TESK1: variants seen among roughly 807,000 people sequenced by gnomAD.
TESK1 encodes the protein testis associated actin remodelling kinase 1, also known as dual specificity testis-specific protein kinase 1.
A neutral mutation model predicts 59.9 loss-of-function variants in TESK1; 18 were observed. The ratio of observed to expected loss-of-function variants is 0.30; its 90% CI spans 0.21 to 0.45. The LOEUF is 0.45. Among genes scored for constraint, TESK1 ranks in the 20% least tolerant of loss-of-function variants. The probability of loss-of-function intolerance (pLI) is 1.00; values close to 1 mark genes in which losing one functional copy is unlikely to be tolerated. For synonymous variants in TESK1, 341 were observed against 357.4 expected, an observed-to-expected ratio of 0.95 and a Z score of 0.52; for missense variants, 748 against 840.9, an observed-to-expected ratio of 0.89 and a Z score of 1.37.
chr9:35,605,843 G>A lies in TESK1; in HGVS notation c.219+5G>A, dbSNP rs761052834. On this transcript the variant is annotated splice_donor_5th_base_variant and intron_variant, in intron 1 of 9. Coordinates refer to ENST00000336395, the MANE Select transcript of TESK1 (RefSeq NM_006285.3). Reference sequence around the variant, plus strand: ...TTCTTCTCTGAGGTCTACAAGGTAGGACCGGCCGAGAGGGCAGAGGGGCGG... The same window carrying A: ...TTCTTCTCTGAGGTCTACAAGGTAGAACCGGCCGAGAGGGCAGAGGGGCGG... The A allele has an allele frequency of 1.5e-5, 24 of 1,610,174 alleles. No individual in the cohort carries two copies. The East Asian group carries it at 4.9e-4, about 33-fold the overall frequency.
In TESK1 at chr9:35,607,652, G is replaced by A; in HGVS notation, c.691G>A (p.Gly231Ser). ...PYWMAPEVLR[G>S]ELYDEKADVF... ...CTGGATGGCTCCAGAGGTGTTACGG[G>A]GTGAGCTGTATGATGAGAAGGTGAG... The change falls in exon 6 of 10, where the codon GGT (glycine) becomes AGT (serine). Residue 231 changes from glycine to serine, a missense_variant. Physicochemically the swap from Gly to Ser is moderately conservative, Grantham distance 56 (BLOSUM62 0). This residue lies in a region of TESK1 where 168 missense variants were observed against 257.4 expected (regional missense o/e 0.65). Transcript: ENST00000336395. This position sits in a 1 kb window ranked among gnomAD's most constrained non-coding sequence, Gnocchi z 4.5. The A allele has an allele frequency of 6.2e-7, 1 of 1,613,904 alleles. No homozygotes were observed.
rs1026572313 is a variant in TESK1 at position 35,609,655 on chromosome 9, C to G, written c.1794C>G (p.Asn598Lys). 6.2e-7 allele frequency: 1 copy of G among 1,606,460 alleles called. No homozygotes were observed. The highest frequency in any genetic ancestry group is 8.5e-7 in the Non-Finnish European group (1 of 1,179,954). Residue 598 changes from asparagine (N) to lysine (K), a missense_variant, in exon 10 of 10, where the codon AAC becomes AAG. By Grantham distance (94) the Asn-to-Lys change is moderately conservative (BLOSUM62 0). Coordinates refer to ENST00000336395, the MANE Select transcript of TESK1 (RefSeq NM_006285.3). The surrounding 1 kb of genome is among the most constrained non-coding windows in gnomAD (Gnocchi z 6.7). ...CTGTTGCCCGCTACCGCAACCTGAA[C>G]TGTGAGGCGGGCAGTCTCCTCTGCC... ...TPAVARYRNL[N>K]CEAGSLLCHR...
Position 35,607,325 on chromosome 9 carries a change from A to G in TESK1, c.538-2A>G. On this transcript the variant is annotated splice_acceptor_variant, in intron 4 of 9. Coordinates refer to ENST00000336395, the MANE Select transcript of TESK1 (RefSeq NM_006285.3). LOFTEE classifies it high-confidence loss of function. This position sits in a 1 kb window ranked among gnomAD's most constrained non-coding sequence, Gnocchi z 4.5. ...TGGGGATACTATGTGTGTGTGTGTC[A>G]GAACTGTCTAGTCCGACGGGAAGAT... 6.2e-7 allele frequency: 1 copy of G among 1,614,156 alleles called. No homozygotes were observed. The highest frequency in any genetic ancestry group is 1.1e-5 in the South Asian group (1 of 91,088).
At position 35,609,378 on chromosome 9, in the gene TESK1, G is replaced by C. The variant is rs1822927823; in HGVS notation, c.1517G>C (p.Trp506Ser). The change falls in exon 10 of 10, where the codon TGG becomes TCG. Residue 506 changes from tryptophan (W) to serine (S), a missense_variant. Physicochemically the swap from Trp to Ser is radical, Grantham distance 177 (BLOSUM62 -3). Coordinates refer to ENST00000336395, the MANE Select transcript of TESK1 (RefSeq NM_006285.3). This position sits in a 1 kb window ranked among gnomAD's most constrained non-coding sequence, Gnocchi z 6.7. ...ACCTGTTCCTCGGCCTCCCAACCCTGGTCCCCTAGATCAGGACCCGTCCTC... is the reference window on the plus strand; with the variant it reads ...ACCTGTTCCTCGGCCTCCCAACCCTCGTCCCCTAGATCAGGACCCGTCCTC... ...ISTCSSASQP[W>S]SPRSGPVLNN... is the part of the protein sequence containing the mutation. 1.2e-6 allele frequency: 2 copies of C among 1,611,672 alleles called. No individual in the cohort carries two copies. Among genetic ancestry groups the C allele is most frequent in the Non-Finnish European group, 1.7e-6 (2 of 1,178,954 alleles).
Position 35,609,122 on chromosome 9 carries a change from A to G in TESK1, c.1261A>G (p.Thr421Ala). The G allele has an allele frequency of 6.2e-7, 1 of 1,613,468 alleles. No individual in the cohort carries two copies. The highest frequency in any genetic ancestry group is 8.5e-7 in the Non-Finnish European group (1 of 1,179,848). ...FPSTQLPLVT[T>A]PETLVQPGTP... ...ATCCACTCAGCTGCCCTTGGTGACC[A>G]CTCCGGAGACCCTGGTCCAGCCTGG... is the stretch of plus-strand genomic sequence containing the variant. Residue 421 changes from threonine (T) to alanine (A), a missense_variant, in exon 10 of 10, where the codon ACT becomes GCT. By Grantham distance (58) the Thr-to-Ala change is moderately conservative. Transcript: ENST00000336395. The surrounding 1 kb of genome is among the most constrained non-coding windows in gnomAD (Gnocchi z 6.7).
In TESK1 at chr9:35,605,288, G is replaced by A. The variant is rs1386653489; in HGVS notation, c.-332G>A. The A allele has an allele frequency of 1.3e-5, 2 of 148,754 alleles. No homozygotes were observed. Among genetic ancestry groups the A allele is most frequent in the East Asian group, 3.9e-4 (2 of 5,082 alleles). 9.2% of individuals were successfully genotyped at this position (148,754 alleles called of 1,614,324 possible). ...GAGCCTGATCCCCGGCGGCTAAGCGGAGCAGCCGCCGCCCGCCCGCCCGCC... is the reference window on the plus strand; with the variant it reads ...GAGCCTGATCCCCGGCGGCTAAGCGAAGCAGCCGCCGCCCGCCCGCCCGCC... On this transcript the variant is annotated 5_prime_UTR_variant, in exon 1 of 10. Coordinates refer to ENST00000336395, the MANE Select transcript of TESK1 (RefSeq NM_006285.3).
At position 35,606,086 on chromosome 9, in the gene TESK1, A is replaced by G. The variant is rs1476923180; in HGVS notation, c.322A>G (p.Arg108Gly). 1.2e-6 allele frequency: 2 copies of G among 1,614,156 alleles called. No individual in the cohort carries two copies. Among genetic ancestry groups the G allele is most frequent in the African/African-American group, 1.3e-5 (1 of 75,050 alleles). The change falls in exon 2 of 10, where the codon AGG (arginine) becomes GGG (glycine). Residue 108 changes from arginine (R) to glycine (G), a missense_variant. Arg to Gly is a moderately radical substitution (Grantham distance 125). Coordinates refer to ENST00000336395, the MANE Select transcript of TESK1 (RefSeq NM_006285.3). Reference sequence around the variant, plus strand: ...GGAAGTGCAGCTGATGAACCGGCTCAGGCACCCCAACATCCTAAGGTGAGC... The same window carrying G: ...GGAAGTGCAGCTGATGAACCGGCTCGGGCACCCCAACATCCTAAGGTGAGC... ...LREVQLMNRL[R>G]HPNILRFMGV...
rs1180967760 is a variant in TESK1 at position 35,605,413 on chromosome 9, G to A, written c.-207G>A. 2 of 180,508 alleles carry A rather than the reference G, an allele frequency of 1.1e-5. No individual in the cohort carries two copies. The highest frequency in any genetic ancestry group is 2.3e-5 in the Non-Finnish European group (2 of 88,082). 11.2% of individuals were successfully genotyped at this position (180,508 alleles called of 1,614,324 possible). A position where few individuals can be genotyped will look rare whatever the true frequency, so the allele number is the denominator to read the frequency against. On this transcript the variant is annotated 5_prime_UTR_variant, in exon 1 of 10. Coordinates refer to ENST00000336395, the MANE Select transcript of TESK1 (RefSeq NM_006285.3). ...CAGGCCCAAGCCCAGGCCCTGCGCG[G>A]AGCGGAGCGGCGCGGCGTCCACCCG...
intron 3 of TESK1, 135 bp downstream of exon 3, chr9:35,606,420 C>A: frequency 9.2e-7 from 1 of 1,082,080 alleles, no homozygotes; most frequent in Non-Finnish European, 1.4e-6. Flanking sequence ...CTTTCCTGAA[C>A]TTTCCTTTAG....
rs747574150 is a variant in TESK1, at chr9:35,606,965, C to T, written c.519C>T (p.His173=). 2.5e-6 allele frequency: 4 copies of T among 1,601,134 alleles called. No individual in the cohort carries two copies. Among genetic ancestry groups the T allele is most frequent in the South Asian group, 2.2e-5 (2 of 89,972 alleles). The part of the protein sequence containing the change: ...LRYLHSKGVF[H]RDLTSKNCLV... ...ACCTGCACTCCAAAGGTGTATTTCACCGCGACCTCACATCCAAGGTAGGCT... is the reference window on the plus strand; with the variant it reads ...ACCTGCACTCCAAAGGTGTATTTCATCGCGACCTCACATCCAAGGTAGGCT... The change falls in exon 4 of 10, where the codon CAC becomes CAT. Residue 173 remains histidine (H), a synonymous_variant. Coordinates refer to ENST00000336395, the MANE Select transcript of TESK1 (RefSeq NM_006285.3).
intron 9 of TESK1, 106 bp downstream of exon 9, chr9:35,608,615 C>A: frequency 3.1e-6 from 3 of 967,500 alleles, no homozygotes; most frequent in Non-Finnish European, 4.6e-6. Flanking sequence ...GTTGAAAAGG[C>A]TGGGGGTCGG....
chr9:35,608,587 G>A lies in TESK1; in HGVS notation c.1000+78G>A, dbSNP rs1822896823. The A allele has an allele frequency of 3.7e-6, 5 of 1,349,948 alleles. No homozygotes were observed. The Admixed American group carries it at 8.0e-5, about 22-fold the overall frequency. The allele number at this position is 1,349,948 out of a possible 1,614,324, so 83.6% of individuals were successfully genotyped here. ...TAGAATTCAGAGGTGACATGGGGGAGGCTAAGTATATTTATTAGTTGAAAA... is the reference window on the plus strand; with the variant it reads ...TAGAATTCAGAGGTGACATGGGGGAAGCTAAGTATATTTATTAGTTGAAAA... On this transcript the variant is annotated intron_variant, in intron 9 of 9. Transcript: ENST00000336395.
chr9:35,605,979 C>T lies in TESK1; in HGVS notation c.220-5C>T, dbSNP rs576122100. On this transcript the variant is annotated splice_region_variant and splice_polypyrimidine_tract_variant and intron_variant, in intron 1 of 9. Coordinates refer to ENST00000336395, the MANE Select transcript of TESK1 (RefSeq NM_006285.3). ...CCGGCCCTCGCCGGCTGCTCCTGCC[C>T]CCAGGTTCGGCACCGACAGTCAGGG... is the stretch of plus-strand genomic sequence containing the variant. 31 of 1,613,648 alleles carry T rather than the reference C, an allele frequency of 1.9e-5. No homozygotes were observed. The East Asian group carries it at 6.2e-4, about 32-fold the overall frequency.
rs776649190 is a variant in TESK1, at chr9:35,607,290, G to T, written c.538-37G>T. ...ATTGGGAGGCCAGACAGCAGAAGGT[G>T]ATGAGTGCGTGGGGATACTATGTGT... On this transcript the variant is annotated intron_variant, in intron 4 of 9. Coordinates refer to ENST00000336395, the MANE Select transcript of TESK1 (RefSeq NM_006285.3). This position sits in a 1 kb window ranked among gnomAD's most constrained non-coding sequence, Gnocchi z 4.5. 1 of 1,612,072 alleles carries T rather than the reference G, an allele frequency of 6.2e-7. No homozygotes were observed. Among genetic ancestry groups the T allele is most frequent in the Non-Finnish European group, 8.5e-7 (1 of 1,178,314 alleles).
rs778173544 is a variant in TESK1 at position 35,606,815 on chromosome 9, C to T, written c.391-22C>T. On this transcript the variant is annotated intron_variant, in intron 3 of 9. Coordinates refer to ENST00000336395, the MANE Select transcript of TESK1 (RefSeq NM_006285.3). ...ACAGACTGAAGTCTGACATCTATTC[C>T]CATTCTCCTCCTATGCACCAGTATA... is the stretch of plus-strand genomic sequence containing the variant. The T allele has an allele frequency of 3.2e-6, 5 of 1,578,990 alleles. No individual in the cohort carries two copies. In the South Asian group the frequency reaches 5.7e-5, roughly 18 times the overall value.
rs1822872830 is a variant in TESK1 at position 35,607,476 on chromosome 9, C to G, written c.620+67C>G. ...CCCCTATCTGATGTCCCCAGAGCCC[C>G]AGGGATGTTTCCCTTGGGGAACGGA... On this transcript the variant is annotated intron_variant, in intron 5 of 9. Transcript: ENST00000336395. The surrounding 1 kb of genome is among the most constrained non-coding windows in gnomAD (Gnocchi z 4.5). 3 of 1,596,146 alleles carry G rather than the reference C, an allele frequency of 1.9e-6. No individual in the cohort carries two copies. In the African/African-American group the frequency reaches 4.0e-5, roughly 21 times the overall value.
Position 35,606,983 on chromosome 9 carries a change from G to C in TESK1, c.537G>C (p.Lys179Asn). The change falls in exon 4 of 10, where the codon AAG becomes AAC. Residue 179 changes from lysine to asparagine, a missense_variant and splice_region_variant. Coordinates refer to ENST00000336395, the MANE Select transcript of TESK1 (RefSeq NM_006285.3). ...KGVFHRDLTS[K>N]NCLVRREDRG... ...TATTTCACCGCGACCTCACATCCAA[G>C]GTAGGCTAGCAGGGTGGGTGGAGAC... 1 of 1,590,170 alleles carries C rather than the reference G, an allele frequency of 6.3e-7. No individual in the cohort carries two copies.
At chr9:35,606,194 G>T in intron 2 of TESK1, 43 bp from the exon 3 acceptor site, 1 of 1,614,194 alleles carries the variant, frequency 6.2e-7, no homozygotes, top group Non-Finnish European at 8.5e-7. Flanking sequence ...AGGAGCTGAG[G>T]CCTTTAATAG....
At position 35,609,963 on chromosome 9, in the gene TESK1, A is replaced by G. The variant is rs942050895; in HGVS notation, c.*221A>G. 1.5e-5 allele frequency: 8 copies of G among 530,040 alleles called. No individual in the cohort carries two copies. Among genetic ancestry groups the G allele is most frequent in the African/African-American group, 5.8e-5 (3 of 51,558 alleles). The allele number at this position is 530,040 out of a possible 1,614,324, so 32.8% of individuals were successfully genotyped here. A position where few individuals can be genotyped will look rare whatever the true frequency, so the allele number is the denominator to read the frequency against. Reference sequence around the variant, plus strand: ...GAACCAGACACAGCATTGCTGACACATGAGACTAACACGTGCAATTATTTA... The same window carrying G: ...GAACCAGACACAGCATTGCTGACACGTGAGACTAACACGTGCAATTATTTA... On this transcript the variant is annotated 3_prime_UTR_variant, in exon 10 of 10. Coordinates refer to ENST00000336395, the MANE Select transcript of TESK1 (RefSeq NM_006285.3). The surrounding 1 kb of genome is among the most constrained non-coding windows in gnomAD (Gnocchi z 6.7).
Sources: gnomAD v4.1 joint callset for allele counts on GRCh38, gnomAD v4.1.1 for gene constraint, gnomAD v4.1.1 regional missense constraint, Gnocchi (gnomAD v3.1) non-coding constraint, MANE v1.5 for transcripts, NCBI Gene and HGNC (gene_info 2026-07-23, HGNC 2026-07-21) for gene names.